The following CCSER1 variants were observed in gnomAD, a reference collection of about 807,000 sequenced individuals.
CCSER1 encodes the protein serine-rich coiled-coil domain-containing protein 1.
A neutral mutation model predicts 82.0 loss-of-function variants in CCSER1; 41 were observed. The observed-to-expected ratio is 0.50, with a 90% CI of 0.39 to 0.65. CCSER1 has a LOEUF of 0.65. CCSER1 is among the 30% of genes least tolerant of loss of function. The pLI is 0.00. For synonymous variants in CCSER1, 414 were observed against 383.9 expected (o/e 1.08, Z -0.92); for missense variants, 1,119 against 1,064.2 (o/e 1.05, Z -0.72).
At chr4:90,265,882 A>G (rs1483087561) in intron 1 of CCSER1, among the ~76,000 whole-genome samples, 1 of 152,132 alleles carries the variant, frequency 6.6e-6, no homozygotes, top group East Asian at 1.9e-4. Flanking sequence ...AAATAGCTCT[A>G]TTATAATCTT....
chr4:91,257,230 G>A (rs545441617), intron 10 of CCSER1, among the ~76,000 whole-genome samples: 1 of 152,114 alleles, frequency 6.6e-6, no homozygotes, highest in South Asian at 2.1e-4. Context: ...TTTCTCATTG[G>A]CTTTTATTTT....
At chr4:91,009,224 A>G (rs1233736576) in intron 9 of CCSER1, among the ~76,000 whole-genome samples, 3 of 152,112 alleles carry the variant, frequency 2.0e-5, no homozygotes, top group Non-Finnish European at 4.4e-5. Flanking sequence ...GATTTAATAG[A>G]GTGAAAACAG....
chr4:90,560,120 T>C (rs6845935), intron 5 of CCSER1, among the ~76,000 whole-genome samples: 29,524 of 152,006 alleles, frequency 0.19, 2,972 homozygotes, highest in Middle Eastern at 0.24. Context: ...TTCTTGACCT[T>C]CATTCTCAAA....
intron 10 of CCSER1, among the ~76,000 whole-genome samples, chr4:91,583,063 A>G (rs762216349): frequency 4.0e-5 from 6 of 151,380 alleles, no homozygotes; most frequent in Non-Finnish European, 7.4e-5. Context: ...TGACTAACAT[A>G]CAGTTGGAGC....
At chr4:91,415,415 C>A (rs1056867958) in intron 10 of CCSER1, among the ~76,000 whole-genome samples, 3 of 152,064 alleles carry the variant, frequency 2.0e-5, no homozygotes, top group African/African-American at 7.2e-5. Context: ...CTTTCTCTTG[C>A]CTGATTGCCC....
chr4:91,380,147 G>A (rs1013463088), intron 10 of CCSER1, among the ~76,000 whole-genome samples: 16 of 151,932 alleles, frequency 1.1e-4, no homozygotes, highest in Non-Finnish European at 2.1e-4. Context: ...TACATTTGCT[G>A]AGGAGTGCTT....
intron 10 of CCSER1, among the ~76,000 whole-genome samples, chr4:91,428,180 C>T (rs1754099544): frequency 6.6e-6 from 1 of 151,996 alleles, no homozygotes; most frequent in African/African-American, 2.4e-5. Flanking sequence ...TTTACAGCCA[C>T]ATAAAAATTA....
chr4:91,316,073 T>C lies in CCSER1; in HGVS notation c.2217+230079T>C, dbSNP rs148765710. Among the ~76,000 whole-genome samples, 584 of 152,144 alleles carry C rather than the reference T, an allele frequency of 3.8e-3. 3 individuals are homozygous for C. The highest frequency in any genetic ancestry group is 0.014 in the African/African-American group (567 of 41,554). ...TTACATAGGGCAGTTTCACTGCCCA[T>C]GCCTTCTTGCCTGCCGCCATGTAGG... On this transcript the variant is annotated intron_variant, in intron 10 of 10. Transcript: ENST00000509176.
intron 6 of CCSER1, among the ~76,000 whole-genome samples, chr4:90,703,665 G>A (rs891419891): frequency 6.6e-6 from 1 of 152,070 alleles, no homozygotes; most frequent in African/African-American, 2.4e-5. Flanking sequence ...TCCTGTATTG[G>A]GTTCATATGT....
At chr4:90,673,105 A>G (rs767767992) in intron 6 of CCSER1, among the ~76,000 whole-genome samples, 2 of 152,038 alleles carry the variant, frequency 1.3e-5, no homozygotes, top group Non-Finnish European at 2.9e-5. Context: ...AATGGCCCCA[A>G]TAGATTTGCT....
chr4:90,730,357 G>A (rs1444099422), intron 7 of CCSER1, among the ~76,000 whole-genome samples: 1 of 152,032 alleles, frequency 6.6e-6, no homozygotes, highest in Non-Finnish European at 1.5e-5. Context: ...ATGTATCCCT[G>A]GAAGAGCCCA....
chr4:91,079,547 C>T (rs1039896549), intron 9 of CCSER1, among the ~76,000 whole-genome samples: 7 of 152,262 alleles, frequency 4.6e-5, no homozygotes, highest in Non-Finnish European at 1.0e-4. Context: ...ATCATAATGA[C>T]AGGATCAAAT....
rs1297461734 is a variant in CCSER1, at chr4:91,601,445, A to C, written c.*2388A>C. The C allele has an allele frequency of 6.6e-6, 1 of 152,042 alleles. No individual in the cohort carries two copies. The highest frequency in any genetic ancestry group is 2.4e-5 in the African/African-American group (1 of 41,446). The allele number at this position is 152,042 out of a possible 1,614,324, so 9.4% of individuals were successfully genotyped here. A position where few individuals can be genotyped will look rare whatever the true frequency, so the allele number is the denominator to read the frequency against. ...ACTAAGTGTAACTCAGGCCTGGAGA[A>C]GGTGTAAGCCCACTATGCTAATGTA... On this transcript the variant is annotated 3_prime_UTR_variant, in exon 11 of 11. Coordinates refer to ENST00000509176, the MANE Select transcript of CCSER1 (RefSeq NM_001145065.2).
intron 1 of CCSER1, among the ~76,000 whole-genome samples, chr4:90,199,301 GATCTAC>G (rs1253270340): frequency 3.3e-5 from 5 of 152,102 alleles, no homozygotes; most frequent in African/African-American, 4.8e-5. Context: ...TAGCAGAATT[GATCTAC>G]AGGCTATAAT....
intron 1 of CCSER1, among the ~76,000 whole-genome samples, chr4:90,283,945 G>A (rs1039766319): frequency 6.6e-6 from 1 of 151,902 alleles, no homozygotes; most frequent in Non-Finnish European, 1.5e-5. Flanking sequence ...CATTCCCACT[G>A]TGTATAAGGG....
chr4:90,831,944 T>A (rs1761164967), intron 8 of CCSER1, among the ~76,000 whole-genome samples: 1 of 152,102 alleles, frequency 6.6e-6, no homozygotes, highest in Non-Finnish European at 1.5e-5. Context: ...CTATATGTTT[T>A]GTATCTTGCT....
chr4:91,083,530 A>G (rs1405219618), intron 9 of CCSER1, among the ~76,000 whole-genome samples: 1 of 152,206 alleles, frequency 6.6e-6, no homozygotes, highest in Non-Finnish European at 1.5e-5. Flanking sequence ...CATGTTGTGC[A>G]TATGTACCCT....
At chr4:91,521,969 G>A (rs1760497273) in intron 10 of CCSER1, among the ~76,000 whole-genome samples, 1 of 152,176 alleles carries the variant, frequency 6.6e-6, no homozygotes, top group Non-Finnish European at 1.5e-5. Context: ...CCTATGTCCT[G>A]AATGGTATTG....
chr4:91,476,393 T>C (rs1273264694), intron 10 of CCSER1, among the ~76,000 whole-genome samples: 2 of 151,696 alleles, frequency 1.3e-5, no homozygotes, highest in Admixed American at 6.6e-5. Flanking sequence ...ATTAGTGATG[T>C]TGAGCATTTT....
Sources: allele counts gnomAD v4.1 joint callset (sites outside exome capture counted in the v4.1 genomes callset), GRCh38; gene constraint gnomAD v4.1.1; transcripts MANE v1.5; gene names NCBI Gene and HGNC (gene_info 2026-07-23, HGNC 2026-07-21).